NCAM1: variants seen among roughly 807,000 people sequenced by gnomAD.
NCAM1 encodes the protein neural cell adhesion molecule 1.
NCAM1 carries 14 observed loss-of-function variants against 109.8 expected under a neutral mutation model. The observed-to-expected ratio is 0.13, with a 90% confidence interval of 0.08 to 0.20. The LOEUF (loss-of-function observed/expected upper bound fraction) is 0.20, where lower values mean the gene tolerates loss of function less well. Among genes scored for constraint, NCAM1 ranks in the 10% least tolerant of loss-of-function variants. The pLI is 1.00. For synonymous variants in NCAM1, 418 were observed against 442.9 expected, an observed-to-expected ratio of 0.94 and a Z score of 0.70; for missense variants, 774 against 1,109.9, an observed-to-expected ratio of 0.70 and a Z score of 4.30.
intron 1 of NCAM1, among the ~76,000 whole-genome samples, chr11:113,163,095 G>A (rs920372285): frequency 2.0e-5 from 3 of 152,102 alleles, no homozygotes; most frequent in Non-Finnish European, 4.4e-5. Context: ...AGCAAGTTTG[G>A]GCAAATCCAA....
At chr11:113,058,876 C>G (rs112941931) in intron 1 of NCAM1, among the ~76,000 whole-genome samples, 13 of 152,284 alleles carry the variant, frequency 8.5e-5, no homozygotes, top group Non-Finnish European at 1.6e-4. Context: ...CTGGGGGAAG[C>G]CATTATTCAT....
rs529331898 is a variant in NCAM1 at position 113,099,832 on chromosome 11, G to T, written c.53-102547G>T. On this transcript the variant is annotated intron_variant, in intron 1 of 19. Coordinates refer to ENST00000316851, the MANE Select transcript of NCAM1 (RefSeq NM_181351.5). ...GCCTCCCAAGTAGCTGGGACTACAG[G>T]CACATGCCACCATGCCCAGCTAATT... Among the ~76,000 whole-genome samples, 5 of 152,242 alleles carry T rather than the reference G, an allele frequency of 3.3e-5. No individual in the cohort carries two copies. In the South Asian group the frequency reaches 1.0e-3, roughly 32 times the overall value.
chr11:113,267,542 G>A (rs1555124567), intron 17 of NCAM1, among the ~76,000 whole-genome samples: 1 of 152,090 alleles, frequency 6.6e-6, no homozygotes, highest in African/African-American at 2.4e-5. Flanking sequence ...AATCATCAAG[G>A]CCCTAAAGCG....
At chr11:113,270,049 C>A in intron 17 of NCAM1, 139 bp from the exon 18 acceptor site, 1 of 783,834 alleles carries the variant, frequency 1.3e-6, no homozygotes, top group Non-Finnish European at 2.2e-6. Context: ...TAGAAGGTCC[C>A]CAGGAAGGTG....
At position 113,275,398 on chromosome 11, in the gene NCAM1, G is replaced by T; in HGVS notation, c.*11G>T. ...GAGAGCAAAGCATGATGGGTGAAGA[G>T]AACCGAGCAAAGATCAAAATAAAAA... is the stretch of plus-strand genomic sequence containing the variant. On this transcript the variant is annotated 3_prime_UTR_variant, in exon 20 of 20. Coordinates refer to ENST00000316851, the MANE Select transcript of NCAM1 (RefSeq NM_181351.5). 1.2e-6 allele frequency: 2 copies of T among 1,609,910 alleles called. No individual in the cohort carries two copies. The highest frequency in any genetic ancestry group is 2.2e-5 in the South Asian group (2 of 90,428).
chr11:113,224,391 G>A (rs1003492879), intron 9 of NCAM1, among the ~76,000 whole-genome samples: 18 of 152,146 alleles, frequency 1.2e-4, no homozygotes, highest in African/African-American at 2.9e-4. Context: ...GGGGAGGGGC[G>A]CCCGCCATTG....
chr11:113,050,936 A>C (rs1031054787), intron 1 of NCAM1, among the ~76,000 whole-genome samples: 1 of 152,246 alleles, frequency 6.6e-6, no homozygotes, highest in Non-Finnish European at 1.5e-5. Flanking sequence ...TCTTATACGC[A>C]TGCTGTAGTT....
In NCAM1 at chr11:113,277,275, G is replaced by A. The variant is rs1946415328; in HGVS notation, c.*1888G>A. ...TGCAGTCTGATCAGTGGCGATGCTA[G>A]ATTATAATTTCAAACTGTGAAGAAT... On this transcript the variant is annotated 3_prime_UTR_variant, in exon 20 of 20. Coordinates refer to ENST00000316851, the MANE Select transcript of NCAM1 (RefSeq NM_181351.5). The A allele has an allele frequency of 1.0e-5, 4 of 398,970 alleles. No individual in the cohort carries two copies. The East Asian group carries it at 1.4e-4, about 14-fold the overall frequency. 24.7% of individuals were successfully genotyped at this position (398,970 alleles called of 1,614,324 possible). A position where few individuals can be genotyped will look rare whatever the true frequency, so the allele number is the denominator to read the frequency against.
chr11:113,004,996 A>G (rs1304177564), intron 1 of NCAM1, among the ~76,000 whole-genome samples: 1 of 151,588 alleles, frequency 6.6e-6, no homozygotes, highest in Non-Finnish European at 1.5e-5. Context: ...ATTTACTTTA[A>G]TTTTTGCTAT....
chr11:113,077,618 A>G (rs966241940), intron 1 of NCAM1, among the ~76,000 whole-genome samples: 1 of 151,812 alleles, frequency 6.6e-6, no homozygotes, highest in African/African-American at 2.4e-5. Context: ...CCTTTTCCTT[A>G]TCTCATCCAA....
chr11:113,194,302 A>G (rs7928046), intron 1 of NCAM1, among the ~76,000 whole-genome samples: 30,186 of 152,158 alleles, frequency 0.2, 4,170 homozygotes, highest in African/African-American at 0.4. Context: ...ATGATGTCAT[A>G]TTAGACAGAA....
At chr11:113,172,453 G>T (rs1444146984) in intron 1 of NCAM1, among the ~76,000 whole-genome samples, 7 of 152,188 alleles carry the variant, frequency 4.6e-5, no homozygotes, top group Non-Finnish European at 1.0e-4. Context: ...TGCCACAGTG[G>T]ATTCCGTAAG....
chr11:113,077,493 G>A (rs186987701), intron 1 of NCAM1, among the ~76,000 whole-genome samples: 46 of 152,202 alleles, frequency 3.0e-4, no homozygotes, highest in African/African-American at 9.6e-4. Flanking sequence ...GTATCAGCCT[G>A]CTTTGTCATG....
chr11:113,162,414 T>C (rs1247864243), intron 1 of NCAM1, among the ~76,000 whole-genome samples: 1 of 152,126 alleles, frequency 6.6e-6, no homozygotes, highest in African/African-American at 2.4e-5. Flanking sequence ...CCTTGCTGGC[T>C]GCTAACATAG....
intron 1 of NCAM1, among the ~76,000 whole-genome samples, chr11:112,976,291 G>C (rs574730342): frequency 6.6e-6 from 1 of 151,986 alleles, no homozygotes; most frequent in South Asian, 2.1e-4. Flanking sequence ...CTCAACATGA[G>C]AGATTTAAAA....
At chr11:113,250,964 A>AT (rs11320300) in intron 15 of NCAM1, among the ~76,000 whole-genome samples, 4 of 151,860 alleles carry the variant, frequency 2.6e-5, no homozygotes, top group African/African-American at 7.3e-5. Flanking sequence ...TGCCCAGATA[A>AT]TTTTTTTTAT....
chr11:113,114,630 G>A (rs1289756364), intron 1 of NCAM1, among the ~76,000 whole-genome samples: 1 of 152,134 alleles, frequency 6.6e-6, no homozygotes, highest in Non-Finnish European at 1.5e-5. Context: ...CAGTGGGGTG[G>A]CATCCCTGCT....
At chr11:113,239,537 G>A (rs1300339086) in intron 14 of NCAM1, among the ~76,000 whole-genome samples, 6 of 122,996 alleles carry the variant, frequency 4.9e-5, no homozygotes, top group African/African-American at 1.3e-4. Flanking sequence ...ACGGAGTCTC[G>A]CTCTGTCGCC....
At chr11:113,085,026 A>G (rs923978478) in intron 1 of NCAM1, among the ~76,000 whole-genome samples, 3 of 152,208 alleles carry the variant, frequency 2.0e-5, no homozygotes, top group Non-Finnish European at 4.4e-5. Flanking sequence ...GTATTCCTCT[A>G]TGCATGCTAT....
Sources: allele counts gnomAD v4.1 joint callset (sites outside exome capture counted in the v4.1 genomes callset), GRCh38; gene constraint gnomAD v4.1.1; transcripts MANE v1.5; gene names NCBI Gene and HGNC (gene_info 2026-07-23, HGNC 2026-07-21).